Variants in DNAJC1 observed in about 807,000 individuals in gnomAD.
DNAJC1 encodes dnaJ homolog subfamily C member 1.
DNAJC1 carries 58 observed loss-of-function variants against 76.6 expected under a neutral mutation model. The observed-to-expected ratio is 0.76, with a 90% CI of 0.61 to 0.94. DNAJC1 has a LOEUF of 0.94. Among genes scored for constraint, DNAJC1 ranks in the 40% least tolerant of loss-of-function variants. The probability of loss-of-function intolerance (pLI) is 0.00; values close to 1 mark genes in which losing one functional copy is unlikely to be tolerated. For missense variants in DNAJC1, 689 were observed against 677.3 expected (o/e 1.02, Z -0.19); for synonymous variants, 258 against 267.9 (o/e 0.96, Z 0.36).
rs1422102066 is a variant in DNAJC1, at chr10:21,918,878, G to C, written c.636-6C>G. 1.2e-6 allele frequency: 2 copies of C among 1,607,440 alleles called. No homozygotes were observed. Among genetic ancestry groups the C allele is most frequent in the Non-Finnish European group, 1.7e-6 (2 of 1,174,328 alleles). On this transcript the variant is annotated splice_region_variant and splice_polypyrimidine_tract_variant and intron_variant, in intron 5 of 11. Coordinates refer to ENST00000376980, the MANE Select transcript of DNAJC1 (RefSeq NM_022365.4). ...ACTGTGGTTTCATCAGCAATCTAAA[G>C]GGAGGGAGAAAAAAGAACACCATAC...
chr10:21,942,639 T>C (rs1434920225), intron 1 of DNAJC1, among the ~76,000 whole-genome samples: 1 of 151,618 alleles, frequency 6.6e-6, no homozygotes, highest in Non-Finnish European at 1.5e-5. Context: ...ACGCCGTCTC[T>C]ACTAAAAACA....
intron 1 of DNAJC1, among the ~76,000 whole-genome samples, chr10:22,001,458 T>C (rs1454511661): frequency 1.3e-5 from 2 of 152,192 alleles, no homozygotes; most frequent in Non-Finnish European, 2.9e-5. Context: ...GAAACACAGG[T>C]TAAAACAATT....
chr10:21,770,558 C>T (rs934465833), intron 9 of DNAJC1, among the ~76,000 whole-genome samples: 15 of 151,906 alleles, frequency 9.9e-5, no homozygotes, highest in African/African-American at 3.6e-4. Context: ...CCAAGATGCC[C>T]GGCTAATTTT....
intron 8 of DNAJC1, among the ~76,000 whole-genome samples, chr10:21,829,092 G>A (rs556216676): frequency 1.4e-4 from 22 of 152,180 alleles, no homozygotes; most frequent in African/African-American, 1.2e-4. Flanking sequence ...GTGCAGTGAG[G>A]TGATCTTGGC....
intron 1 of DNAJC1, among the ~76,000 whole-genome samples, chr10:21,962,500 C>T (rs1369716650): frequency 8.6e-6 from 1 of 116,730 alleles, no homozygotes; most frequent in Non-Finnish European, 1.6e-5. Context: ...TTATCTCACT[C>T]TGTCACCCAG....
At chr10:21,963,566 G>A (rs899441741) in intron 1 of DNAJC1, among the ~76,000 whole-genome samples, 17 of 152,202 alleles carry the variant, frequency 1.1e-4, no homozygotes, top group Non-Finnish European at 2.5e-4. Flanking sequence ...GAACACTTAT[G>A]CATAAAAGGA....
chr10:21,812,974 G>A (rs984867671), intron 8 of DNAJC1, among the ~76,000 whole-genome samples: 1 of 150,052 alleles, frequency 6.7e-6, no homozygotes, highest in Non-Finnish European at 1.5e-5. Flanking sequence ...TACTGTGGAA[G>A]GGATAGGGTG....
At chr10:21,903,049 C>T (rs1836684130) in intron 7 of DNAJC1, among the ~76,000 whole-genome samples, 1 of 152,056 alleles carries the variant, frequency 6.6e-6, no homozygotes, top group African/African-American at 2.4e-5. Context: ...TGCCTCAGCT[C>T]CCAAGTAGAT....
At chr10:21,908,672 A>C (rs1048441616) in intron 6 of DNAJC1, among the ~76,000 whole-genome samples, 1 of 151,990 alleles carries the variant, frequency 6.6e-6, no homozygotes, top group Non-Finnish European at 1.5e-5. Flanking sequence ...GCACTTACAG[A>C]AGCTTAATAA....
At chr10:21,890,942 G>C (rs1216479289) in intron 7 of DNAJC1, among the ~76,000 whole-genome samples, 1 of 152,182 alleles carries the variant, frequency 6.6e-6, no homozygotes, top group Non-Finnish European at 1.5e-5. Context: ...TGTAATCCCA[G>C]CTCTTTGGGA....
chr10:21,939,056 A>G (rs1181717549), intron 1 of DNAJC1, among the ~76,000 whole-genome samples: 1 of 152,050 alleles, frequency 6.6e-6, no homozygotes, highest in Non-Finnish European at 1.5e-5. Context: ...ACGCCCAGCT[A>G]ATTTTTGTAT....
At chr10:21,903,726 C>T (rs1836697635) in intron 7 of DNAJC1, among the ~76,000 whole-genome samples, 2 of 152,148 alleles carry the variant, frequency 1.3e-5, no homozygotes, top group Non-Finnish European at 2.9e-5. Context: ...CCTAAAATGA[C>T]CACACCCAAA....
intron 1 of DNAJC1, among the ~76,000 whole-genome samples, chr10:21,988,006 A>C (rs1174961439): frequency 6.6e-6 from 1 of 152,126 alleles, no homozygotes; most frequent in Non-Finnish European, 1.5e-5. Flanking sequence ...TGTAGTTTTC[A>C]CATATATTAC....
At position 22,000,076 on chromosome 10, in the gene DNAJC1, C is replaced by A. The variant is rs76985111; in HGVS notation, c.222+3137G>T. Among the ~76,000 whole-genome samples the A allele has an allele frequency of 4.7e-3, 720 of 151,616 alleles. 5 individuals are homozygous for A. Among genetic ancestry groups the A allele is most frequent in the African/African-American group, 0.017 (685 of 40,896 alleles). On this transcript the variant is annotated intron_variant, in intron 1 of 11. Transcript: ENST00000376980. ...TCTCCATCTCAACAAATGGCAATTG[C>A]ATCCTTCCAGTTACTGAAGCCAAAA...
chr10:21,973,750 GA>G (rs1020160335), intron 1 of DNAJC1, among the ~76,000 whole-genome samples: 72 of 149,396 alleles, frequency 4.8e-4, no homozygotes, highest in South Asian at 4.2e-4. Flanking sequence ...AAAAAAAAAA[GA>G]AAAAAAGAAA....
At chr10:21,975,651 G>T (rs1474889040) in intron 1 of DNAJC1, among the ~76,000 whole-genome samples, 1 of 147,818 alleles carries the variant, frequency 6.8e-6, no homozygotes, top group African/African-American at 2.5e-5. Flanking sequence ...CTTACTTACT[G>T]TCCCTCTGTT....
chr10:21,772,476 T>C (rs1230033255), intron 9 of DNAJC1, among the ~76,000 whole-genome samples: 3 of 152,102 alleles, frequency 2.0e-5, no homozygotes, highest in Non-Finnish European at 4.4e-5. Context: ...CAGGAATTTA[T>C]TCATTTCACT....
chr10:21,999,083 G>A (rs915118020), intron 1 of DNAJC1, among the ~76,000 whole-genome samples: 11 of 152,302 alleles, frequency 7.2e-5, no homozygotes, highest in Admixed American at 3.9e-4. Flanking sequence ...AGATGCCACA[G>A]ACAGTCACTA....
At chr10:21,943,964 C>G (rs1837462475) in intron 1 of DNAJC1, among the ~76,000 whole-genome samples, 4 of 151,516 alleles carry the variant, frequency 2.6e-5, no homozygotes, top group Admixed American at 2.0e-4. Context: ...GCAAAAGCAA[C>G]AGAAGCATGG....
Sources: gnomAD v4.1 joint callset for allele counts (sites outside exome capture counted in the v4.1 genomes callset) on GRCh38, gnomAD v4.1.1 for gene constraint, MANE v1.5 for transcripts, NCBI Gene and HGNC (gene_info 2026-07-23, HGNC 2026-07-21) for gene names.